TRIM49: variants seen among roughly 807,000 people sequenced by gnomAD.
TRIM49 encodes the protein tripartite motif-containing protein 49.
Under a neutral mutation model 27.4 loss-of-function variants are expected in TRIM49, and 5 were observed. That is an observed-to-expected ratio of 0.18 (90% confidence interval 0.10 to 0.38). The LOEUF (loss-of-function observed/expected upper bound fraction) is 0.38. Among genes scored for constraint, TRIM49 ranks in the 10% least tolerant of loss-of-function variants. The pLI is 1.00. For missense variants in TRIM49, 188 were observed against 487.5 expected, an observed-to-expected ratio of 0.39 and a Z score of 5.79; for synonymous variants, 69 against 166.0, an observed-to-expected ratio of 0.42 and a Z score of 4.49.
chr11:89,798,594 C>T lies in TRIM49; in HGVS notation c.895G>A (p.Asp299Asn). Reference sequence around the variant, plus strand: ...CTCAAAATTTCATACAGAAAGATATCATTGTTGGCTTCTTCATGATGCAGA... The same window carrying T: ...CTCAAAATTTCATACAGAAAGATATTATTGTTGGCTTCTTCATGATGCAGA... The part of the protein sequence containing the change: ...ITLHHEEANN[D>N]IFLYEILRSM... The change falls in exon 8 of 8, where the codon GAT (aspartate) becomes AAT (asparagine). Residue 299 changes from aspartate (D) to asparagine (N), a missense_variant. Transcript: ENST00000329758. 6.5e-7 allele frequency: 1 copy of T among 1,534,614 alleles called. No individual in the cohort carries two copies.
At chr11:89,769,229 A>T in the TRIM49 span, among the ~76,000 whole-genome samples, 1 of 131,550 alleles carries the variant, frequency 7.6e-6, no homozygotes, top group Non-Finnish European at 1.5e-5. Flanking sequence ...TATTCTGCGC[A>T]TCTGCTCTTT....
At chr11:89,790,170 G>A in the TRIM49 span, among the ~76,000 whole-genome samples, 3,249 of 124,704 alleles carry the variant, frequency 0.026, 1 homozygote, top group Middle Eastern at 0.055. Flanking sequence ...TAGCACAGCA[G>A]TCTGAGATCA....
At chr11:89,791,672 C>T in the TRIM49 span, among the ~76,000 whole-genome samples, 5 of 151,816 alleles carry the variant, frequency 3.3e-5, no homozygotes, top group Admixed American at 3.3e-4. Flanking sequence ...GAAATAAACT[C>T]CTGTATAGAC....
At chr11:89,782,130 T>G in the TRIM49 span, 1 of 1,551,266 alleles carries the variant, frequency 6.4e-7, no homozygotes, top group Non-Finnish European at 8.7e-7. Flanking sequence ...ACCAATATCG[T>G]TATTGATTCT....
At chr11:89,783,525 T>C in the TRIM49 span, among the ~76,000 whole-genome samples, 1 of 121,008 alleles carries the variant, frequency 8.3e-6, no homozygotes, top group Non-Finnish European at 1.7e-5. Context: ...TTGTCTTAGG[T>C]TTTTTAATAT....
chr11:89,803,659 C>T (rs1949758854), intron 4 of TRIM49, 39 bp downstream of exon 4: 1 of 800,396 alleles, frequency 1.2e-6, no homozygotes, highest in Admixed American at 2.9e-5. Context: ...ATTTGCCCAC[C>T]ATAAGTTCCT....
Position 89,798,375 on chromosome 11 carries a change from C to A in TRIM49, c.1114G>T (p.Asp372Tyr). Residue 372 changes from aspartate (D) to tyrosine (Y), a missense_variant, in exon 8 of 8, where the codon GAT (aspartate) becomes TAT (tyrosine). Transcript: ENST00000329758. The stretch of plus-strand genomic sequence containing the variant: ...AGAAGAAAGAGTCCCGCCTTTCCAT[C>A]TATCTTCTCATTCTGATTCTTCTCT... ...RKEKNQNEKI[D>Y]GKAGLFLLGC... 6.3e-7 allele frequency: 1 copy of A among 1,593,576 alleles called. No homozygotes were observed. Among genetic ancestry groups the A allele is most frequent in the Non-Finnish European group, 8.5e-7 (1 of 1,174,486 alleles).
intron 1 of TRIM49, 21 bp downstream of exon 1, chr11:89,808,415 TA>T (rs1327095557): frequency 1.3e-5 from 2 of 150,306 alleles, no homozygotes; most frequent in African/African-American, 2.5e-5. Context: ...ACATATGAAT[TA>T]AGTGCAAAGA....
downstream of TRIM49, among the ~76,000 whole-genome samples, chr11:89,796,758 T>C (rs1263906822): frequency 3.9e-5 from 6 of 151,916 alleles, no homozygotes; most frequent in South Asian, 2.1e-4. Context: ...TTCAGTGAGT[T>C]ATTTATTGTT....
chr11:89,805,099 A>G (rs1158690063), intron 2 of TRIM49, among the ~76,000 whole-genome samples: 1 of 151,904 alleles, frequency 6.6e-6, no homozygotes, highest in Non-Finnish European at 1.5e-5. Flanking sequence ...TAAACAAAGA[A>G]AAAGACTGCA....
At chr11:89,775,692 G>A in the TRIM49 span, among the ~76,000 whole-genome samples, 20 of 133,616 alleles carry the variant, frequency 1.5e-4, 4 homozygotes, top group East Asian at 4.2e-3. Context: ...CATCTGAATT[G>A]GCAATGGGAA....
At chr11:89,768,257 T>C in the TRIM49 span, 2 of 1,502,284 alleles carry the variant, frequency 1.3e-6, no homozygotes, top group Non-Finnish European at 1.8e-6. Context: ...ATTCACAGGC[T>C]GGGGCATGTG....
chr11:89,773,099 G>A, the TRIM49 span, among the ~76,000 whole-genome samples: 1 of 136,680 alleles, frequency 7.3e-6, no homozygotes, highest in Non-Finnish European at 1.5e-5. Context: ...GCTGAGGCAG[G>A]AGAATCACTT....
the TRIM49 span, among the ~76,000 whole-genome samples, chr11:89,776,816 G>T: frequency 6.6e-6 from 1 of 150,962 alleles, no homozygotes; most frequent in African/African-American, 2.4e-5. Flanking sequence ...CAGCATGTTT[G>T]CATTTACTAT....
At chr11:89,800,510 G>A (rs1591513367) in intron 6 of TRIM49, among the ~76,000 whole-genome samples, 1 of 151,346 alleles carries the variant, frequency 6.6e-6, no homozygotes, top group East Asian at 1.9e-4. Flanking sequence ...TTGGGAGGCC[G>A]AGGCGGGCGG....
chr11:89,768,774 C>T, the TRIM49 span: 14 of 502,760 alleles, frequency 2.8e-5, no homozygotes, highest in Middle Eastern at 6.8e-4. Context: ...TTTCACAGCA[C>T]GCCTTGTGCT....
the TRIM49 span, among the ~76,000 whole-genome samples, chr11:89,773,078 C>G: frequency 1.5e-5 from 2 of 136,756 alleles, no homozygotes; most frequent in Non-Finnish European, 3.0e-5. Flanking sequence ...GTAATCCCAG[C>G]TACTCGGGAG....
the TRIM49 span, chr11:89,778,132 G>T: frequency 1.5e-6 from 1 of 683,184 alleles, no homozygotes; most frequent in Non-Finnish European, 2.3e-6. Flanking sequence ...AGAAAATGTA[G>T]TGATTTCAAT....
chr11:89,789,623 TC>T, the TRIM49 span: 1 of 151,830 alleles, frequency 6.6e-6, no homozygotes, highest in Admixed American at 6.6e-5. Context: ...CACAAAGGGC[TC>T]CACCTTCCCA....
Sources: allele counts gnomAD v4.1 joint callset (sites outside exome capture counted in the v4.1 genomes callset), GRCh38; gene constraint gnomAD v4.1.1; transcripts MANE v1.5; gene names NCBI Gene and HGNC (gene_info 2026-07-23, HGNC 2026-07-21).